Variants in CYP39A1 observed in about 807,000 individuals in gnomAD.
CYP39A1 encodes cytochrome P450 family 39 subfamily A member 1.
Under a neutral mutation model 58.1 loss-of-function variants are expected in CYP39A1, and 49 were observed. The ratio of observed to expected loss-of-function variants is 0.84; its 90% CI spans 0.67 to 1.07. The LOEUF (loss-of-function observed/expected upper bound fraction) is 1.07. CYP39A1 is among the 50% of genes least tolerant of loss of function. The pLI, the probability that CYP39A1 is intolerant of heterozygous loss-of-function variation, is 0.00. For synonymous variants in CYP39A1, 209 were observed against 187.6 expected (o/e 1.11, Z -0.93); for missense variants, 531 against 539.4 (o/e 0.98, Z 0.16).
Position 46,637,977 on chromosome 6 carries a change from G to A in CYP39A1, c.490C>T (p.His164Tyr), listed in dbSNP as rs1212428801. 2 of 1,600,020 alleles carry A rather than the reference G, an allele frequency of 1.2e-6. No homozygotes were observed. Among genetic ancestry groups the A allele is most frequent in the African/African-American group, 1.4e-5 (1 of 73,650 alleles). ...TTCACTGTGACTGGATAAAGGAGAT[G>A]TCTACAAAGACAGAAACACACAAAA... ...GTMDLNNLVR[H>Y]LLYPVTVNML... Residue 164 changes from histidine to tyrosine, a missense_variant and splice_region_variant, in exon 4 of 12, where the codon CAT becomes TAT. Physicochemically the swap from His to Tyr is moderately conservative, Grantham distance 83. Transcript: ENST00000275016.
At chr6:46,650,113 C>A (rs1762579904) in intron 1 of CYP39A1, among the ~76,000 whole-genome samples, 1 of 136,244 alleles carries the variant, frequency 7.3e-6, no homozygotes, top group Non-Finnish European at 1.7e-5. Context: ...ACTACATTTA[C>A]ACACACACAC....
chr6:46,628,694 C>A (rs1255008417), intron 6 of CYP39A1, among the ~76,000 whole-genome samples: 2 of 152,064 alleles, frequency 1.3e-5, no homozygotes, highest in African/African-American at 4.8e-5. Context: ...AAAAGACAGG[C>A]CCCACCACCT....
Position 46,553,218 on chromosome 6 carries a change from A to G in CYP39A1, c.1338+549T>C, listed in dbSNP as rs141079018. 2.6e-3 allele frequency among the ~76,000 whole-genome samples: 392 copies of G among 152,290 alleles called. 2 individuals are homozygous for G. Among genetic ancestry groups the G allele is most frequent in the African/African-American group, 9.1e-3 (379 of 41,568 alleles). On this transcript the variant is annotated intron_variant, in intron 11 of 11. Coordinates refer to ENST00000275016, the MANE Select transcript of CYP39A1 (RefSeq NM_016593.5). Reference sequence around the variant, plus strand: ...ACTAGTGATGCTGATGCTCACACCAATTCGAGAGCCACTGATCTATGAGAA... The same window carrying G: ...ACTAGTGATGCTGATGCTCACACCAGTTCGAGAGCCACTGATCTATGAGAA...
At chr6:46,626,548 C>G (rs193161447) in intron 6 of CYP39A1, among the ~76,000 whole-genome samples, 5 of 152,274 alleles carry the variant, frequency 3.3e-5, no homozygotes, top group African/African-American at 1.2e-4. Flanking sequence ...AAATTCAATA[C>G]TGTTCATTAT....
At chr6:46,603,626 C>T (rs77565383) in intron 7 of CYP39A1, among the ~76,000 whole-genome samples, 10 of 152,240 alleles carry the variant, frequency 6.6e-5, no homozygotes, top group Middle Eastern at 6.8e-3. Context: ...TCCTTTTTCC[C>T]GGGCACATCC....
At chr6:46,648,312 C>T (rs1254132697) in intron 1 of CYP39A1, among the ~76,000 whole-genome samples, 4 of 151,898 alleles carry the variant, frequency 2.6e-5, no homozygotes, top group African/African-American at 9.7e-5. Flanking sequence ...TACATATACA[C>T]CATGGAATAC....
At chr6:46,646,688 T>C (rs1762347439) in intron 1 of CYP39A1, among the ~76,000 whole-genome samples, 1 of 152,134 alleles carries the variant, frequency 6.6e-6, no homozygotes, top group Non-Finnish European at 1.5e-5. Flanking sequence ...AATCTGGGCA[T>C]AGAGAATTCT....
Position 46,549,685 on chromosome 6 carries a change from T to G in CYP39A1, c.*681A>C, listed in dbSNP as rs1378406499. The G allele has an allele frequency of 6.6e-6, 1 of 152,214 alleles. No individual in the cohort carries two copies. The highest frequency in any genetic ancestry group is 1.5e-5 in the Non-Finnish European group (1 of 68,034). The allele number at this position is 152,214 out of a possible 1,614,324, so 9.4% of individuals were successfully genotyped here. A position where few individuals can be genotyped will look rare whatever the true frequency, so the allele number is the denominator to read the frequency against. On this transcript the variant is annotated 3_prime_UTR_variant, in exon 12 of 12. Coordinates refer to ENST00000275016, the MANE Select transcript of CYP39A1 (RefSeq NM_016593.5). ...TTGAGTCAAAACAATGCTTCCAGGT[T>G]AATTAAAATATAAATCAATACATCA...
At chr6:46,561,901 G>A (rs1770996737) in intron 10 of CYP39A1, among the ~76,000 whole-genome samples, 2 of 152,160 alleles carry the variant, frequency 1.3e-5, no homozygotes, top group Admixed American at 1.3e-4. Context: ...GGTTAGGGGA[G>A]TTGGGGAAAT....
At chr6:46,644,701 G>A (rs1776547237) in intron 1 of CYP39A1, among the ~76,000 whole-genome samples, 1 of 152,122 alleles carries the variant, frequency 6.6e-6, no homozygotes, top group Non-Finnish European at 1.5e-5. Context: ...TGCGTGTTTG[G>A]ATGTTTAAGA....
Position 46,652,435 on chromosome 6 carries a change from G to C in CYP39A1, c.148C>G (p.Leu50Val). ...GVGFEFGKAPLEFIEKARIKY... is the reference protein window; with the variant it reads ...GVGFEFGKAPVEFIEKARIKY... Reference sequence around the variant, plus strand: ...ATTCTTGCTTTCTCTATAAATTCTAGAGGGGCTTTCCCAAACTCAAATCCA... The same window carrying C: ...ATTCTTGCTTTCTCTATAAATTCTACAGGGGCTTTCCCAAACTCAAATCCA... Residue 50 changes from leucine (L) to valine (V), a missense_variant, in exon 1 of 12, where the codon CTA (leucine) becomes GTA (valine). Transcript: ENST00000275016. 6.2e-7 allele frequency: 1 copy of C among 1,613,566 alleles called. No homozygotes were observed. Among genetic ancestry groups the C allele is most frequent in the Non-Finnish European group, 8.5e-7 (1 of 1,179,830 alleles).
chr6:46,647,390 G>A (rs1409867670), intron 1 of CYP39A1, among the ~76,000 whole-genome samples: 3 of 152,096 alleles, frequency 2.0e-5, no homozygotes, highest in African/African-American at 7.2e-5. Context: ...TTCAAATATC[G>A]CTTAGAGTGG....
At chr6:46,567,387 T>A (rs192387466) in intron 10 of CYP39A1, among the ~76,000 whole-genome samples, 1 of 152,278 alleles carries the variant, frequency 6.6e-6, no homozygotes, top group African/African-American at 2.4e-5. Flanking sequence ...ACACTTTGGT[T>A]GTTTTAATAT....
intron 5 of CYP39A1, among the ~76,000 whole-genome samples, chr6:46,632,165 T>C (rs992991371): frequency 6.6e-6 from 1 of 152,270 alleles, no homozygotes; most frequent in African/African-American, 2.4e-5. Flanking sequence ...GGAAAATGCA[T>C]GCAATAGTAA....
chr6:46,557,947 A>G (rs1228281610), intron 10 of CYP39A1, among the ~76,000 whole-genome samples: 1 of 150,402 alleles, frequency 6.6e-6, no homozygotes, highest in Non-Finnish European at 1.5e-5. Flanking sequence ...AAAAAAAAAA[A>G]AAAAAAAGAA....
At chr6:46,603,779 A>G (rs1276781299) in intron 7 of CYP39A1, among the ~76,000 whole-genome samples, 1 of 152,222 alleles carries the variant, frequency 6.6e-6, no homozygotes, top group Non-Finnish European at 1.5e-5. Context: ...CATAAAGGCT[A>G]TGTATTTACT....
At chr6:46,602,535 G>A (rs1773573018) in intron 7 of CYP39A1, among the ~76,000 whole-genome samples, 1 of 151,628 alleles carries the variant, frequency 6.6e-6, no homozygotes, top group African/African-American at 2.4e-5. Context: ...GTGCTGGACT[G>A]GGCGTGGTAG....
chr6:46,609,622 C>G (rs1199086685), intron 7 of CYP39A1, among the ~76,000 whole-genome samples: 4 of 152,014 alleles, frequency 2.6e-5, no homozygotes, highest in Admixed American at 1.3e-4. Flanking sequence ...AGAAGGAGGT[C>G]CACACAGGGA....
chr6:46,609,262 G>A (rs1223160048), intron 7 of CYP39A1, among the ~76,000 whole-genome samples: 2 of 151,736 alleles, frequency 1.3e-5, no homozygotes, highest in East Asian at 3.9e-4. Context: ...AATTAGCCGG[G>A]CGTGGTGGCG....
Sources: gnomAD v4.1 joint callset for allele counts (sites outside exome capture counted in the v4.1 genomes callset) on GRCh38, gnomAD v4.1.1 for gene constraint, MANE v1.5 for transcripts, NCBI Gene and HGNC (gene_info 2026-07-23, HGNC 2026-07-21) for gene names.